The following RABGAP1 variants were observed in gnomAD, a reference collection of about 807,000 sequenced individuals.
RABGAP1 encodes rab GTPase-activating protein 1.
RABGAP1 carries 23 observed loss-of-function variants against 137.6 expected under a neutral mutation model. The ratio of observed to expected loss-of-function variants is 0.17; its 90% CI spans 0.12 to 0.24. The LOEUF is 0.24. Among genes scored for constraint, RABGAP1 ranks in the 10% least tolerant of loss-of-function variants. The pLI, the probability that RABGAP1 is intolerant of heterozygous loss-of-function variation, is 1.00. For missense variants in RABGAP1, 906 were observed against 1,275.8 expected (o/e 0.71, Z 4.42); for synonymous variants, 451 against 450.7 (o/e 1.00, Z -0.01).
chr9:122,984,995 C>G (rs1836291609), intron 3 of RABGAP1, among the ~76,000 whole-genome samples: 1 of 6,816 alleles, frequency 1.5e-4, no homozygotes, highest in Non-Finnish European at 6.3e-3. Flanking sequence ...TTTTTTCCCC[C>G]CAGGAATGCT....
At chr9:123,097,194 A>G (rs980946309) in intron 21 of RABGAP1, among the ~76,000 whole-genome samples, 1 of 152,200 alleles carries the variant, frequency 6.6e-6, no homozygotes, top group Non-Finnish European at 1.5e-5. Flanking sequence ...CATGCTTTAG[A>G]AAAAGACTGG....
At chr9:122,934,053 C>T in the RABGAP1 span, among the ~76,000 whole-genome samples, 3 of 151,804 alleles carry the variant, frequency 2.0e-5, no homozygotes, top group Non-Finnish European at 4.4e-5. Flanking sequence ...CTGTACCTGG[C>T]CCTTTTCCTA....
intron 2 of RABGAP1, among the ~76,000 whole-genome samples, chr9:122,961,791 A>G (rs1834865921): frequency 6.6e-6 from 1 of 152,178 alleles, no homozygotes; most frequent in Non-Finnish European, 1.5e-5. Flanking sequence ...TAGTATGTAT[A>G]TAGTATATTG....
intron 10 of RABGAP1, among the ~76,000 whole-genome samples, chr9:122,999,742 G>A (rs1180326201): frequency 6.6e-5 from 10 of 151,234 alleles, no homozygotes; most frequent in Non-Finnish European, 1.2e-4. Context: ...AGATTTGGGG[G>A]AAATCTGGCC....
At chr9:123,026,494 AACT>A (rs1048945342) in intron 13 of RABGAP1, among the ~76,000 whole-genome samples, 2 of 152,154 alleles carry the variant, frequency 1.3e-5, no homozygotes, top group Non-Finnish European at 2.9e-5. Flanking sequence ...TCTTATATTG[AACT>A]ACTACCCTTG....
intron 19 of RABGAP1, among the ~76,000 whole-genome samples, chr9:123,081,938 T>C (rs1418176382): frequency 6.6e-6 from 1 of 152,156 alleles, no homozygotes; most frequent in Non-Finnish European, 1.5e-5. Context: ...TTCCCAATGC[T>C]TTCCAACGCA....
At chr9:122,968,806 G>T (rs1163421924) in intron 2 of RABGAP1, among the ~76,000 whole-genome samples, 1 of 151,924 alleles carries the variant, frequency 6.6e-6, no homozygotes, top group Non-Finnish European at 1.5e-5. Context: ...GTAGAGACGG[G>T]GTTTTGCCAT....
At chr9:123,072,639 C>T (rs2034391404) in intron 15 of RABGAP1, among the ~76,000 whole-genome samples, 1 of 152,172 alleles carries the variant, frequency 6.6e-6, no homozygotes, top group Admixed American at 6.5e-5. Context: ...GTGAAGTTGC[C>T]TTCCATGACA....
intron 10 of RABGAP1, among the ~76,000 whole-genome samples, chr9:123,000,044 G>C (rs1241234561): frequency 1.3e-5 from 2 of 151,604 alleles, no homozygotes; most frequent in Admixed American, 1.3e-4. Flanking sequence ...TTGATTTCCT[G>C]TTTGTTCTTT....
At chr9:123,047,923 T>TG (rs2033283167) in intron 13 of RABGAP1, among the ~76,000 whole-genome samples, 2 of 53,558 alleles carry the variant, frequency 3.7e-5, no homozygotes, top group Non-Finnish European at 5.4e-5. Context: ...TGCTGGGTTT[T>TG]TTTTTTTTTT....
chr9:123,035,311 C>T (rs1018027860), intron 13 of RABGAP1: 3 of 1,614,132 alleles, frequency 1.9e-6, no homozygotes, highest in Non-Finnish European at 2.5e-6. Context: ...TCCTGATAAG[C>T]GCTATGCCAT....
chr9:123,020,759 T>C (rs891449153), intron 13 of RABGAP1: 1 of 332,728 alleles, frequency 3.0e-6, no homozygotes, highest in African/African-American at 2.2e-5. Flanking sequence ...TGTGTAAAAA[T>C]TTTCTTTTGA....
intron 22 of RABGAP1, 41 bp from the exon 23 acceptor site, chr9:123,098,671 ATTT>A: frequency 6.4e-7 from 1 of 1,567,208 alleles, no homozygotes; most frequent in African/African-American, 1.4e-5. Context: ...AACTTCCTTT[ATTT>A]TTCTGTTAAC....
At chr9:122,983,228 C>A (rs187025924) in intron 2 of RABGAP1, among the ~76,000 whole-genome samples, 138 of 151,558 alleles carry the variant, frequency 9.1e-4, no homozygotes, top group African/African-American at 3.1e-3. Flanking sequence ...TTCAGTTGCA[C>A]TTGTGTATGT....
At chr9:122,969,928 G>T (rs369889372) in intron 2 of RABGAP1, among the ~76,000 whole-genome samples, 1 of 152,194 alleles carries the variant, frequency 6.6e-6, no homozygotes, top group South Asian at 2.1e-4. Context: ...ACAGAGTTTT[G>T]CTCTGTTGCC....
intron 13 of RABGAP1, among the ~76,000 whole-genome samples, chr9:123,050,816 T>C (rs2033421237): frequency 6.6e-6 from 1 of 152,196 alleles, no homozygotes; most frequent in Non-Finnish European, 1.5e-5. Flanking sequence ...AAAATGAACA[T>C]TGGATCATTT....
chr9:123,021,131 A>G (rs763751982), intron 13 of RABGAP1, among the ~76,000 whole-genome samples: 6 of 152,112 alleles, frequency 3.9e-5, no homozygotes, highest in African/African-American at 1.2e-4. Context: ...AGTTTCTCCA[A>G]TAGTATGCAA....
At chr9:122,967,680 A>G (rs967674885) in intron 2 of RABGAP1, among the ~76,000 whole-genome samples, 1 of 152,076 alleles carries the variant, frequency 6.6e-6, no homozygotes, top group Non-Finnish European at 1.5e-5. Context: ...CATGGGGGGA[A>G]CCCTCAGGTA....
intron 10 of RABGAP1, 56 bp from the exon 11 acceptor site, chr9:123,010,298 A>T: frequency 6.9e-7 from 1 of 1,440,436 alleles, no homozygotes; most frequent in Non-Finnish European, 9.4e-7. Context: ...CACTGCAATT[A>T]ATTAAAAACA....
Sources: gnomAD v4.1 joint callset for allele counts (sites outside exome capture counted in the v4.1 genomes callset) on GRCh38, gnomAD v4.1.1 for gene constraint, MANE v1.5 for transcripts, NCBI Gene and HGNC (gene_info 2026-07-23, HGNC 2026-07-21) for gene names.